Variants in TFCP2 observed in about 807,000 individuals in gnomAD.
TFCP2 encodes the protein alpha-globin transcription factor CP2.
TFCP2 carries 33 observed loss-of-function variants against 73.4 expected under a neutral mutation model. That is an observed-to-expected ratio of 0.45 (90% CI 0.34 to 0.60). The LOEUF is 0.60. Among genes scored for constraint, TFCP2 ranks in the 20% least tolerant of loss-of-function variants. TFCP2 has a pLI of 0.01. For synonymous variants in TFCP2, 193 were observed against 211.6 expected (o/e 0.91, Z 0.76); for missense variants, 352 against 604.0 (o/e 0.58, Z 4.37).
intron 4 of TFCP2, among the ~76,000 whole-genome samples, chr12:51,115,657 T>C (rs1940517549): frequency 6.6e-6 from 1 of 152,216 alleles, no homozygotes; most frequent in African/African-American, 2.4e-5. Flanking sequence ...TAAGTGCCTA[T>C]CATGGGATGA....
chr12:51,125,910 A>T (rs1169082278), intron 1 of TFCP2, among the ~76,000 whole-genome samples: 3 of 152,138 alleles, frequency 2.0e-5, no homozygotes, highest in Non-Finnish European at 4.4e-5. Flanking sequence ...ATCCTGGTCA[A>T]CATGGTGAAA....
intron 1 of TFCP2, 31 bp downstream of exon 1, chr12:51,172,267 CAGA>C (rs777504476): frequency 1.9e-6 from 3 of 1,610,626 alleles, no homozygotes; most frequent in African/African-American, 1.3e-5. Context: ...CTTTGTTATT[CAGA>C]AGGTGTAGGG....
chr12:51,159,007 C>CAAAAAAAAA (rs1390552711), intron 1 of TFCP2, among the ~76,000 whole-genome samples: 1 of 15,472 alleles, frequency 6.5e-5, no homozygotes, highest in East Asian at 1.0e-3. Flanking sequence ...ACTAAAAATC[C>CAAAAAAAAA]AAAAAAAAAA....
At chr12:51,104,338 T>TTTTTTTTTTTTTTTTGAGACGGAGTCTCG in intron 8 of TFCP2, 135 bp from the exon 9 acceptor site, 1 of 692,682 alleles carries the variant, frequency 1.4e-6, no homozygotes, top group Non-Finnish European at 2.4e-6. Context: ...ACATTCTTAT[T>TTTTTTTTTTTTTTTTGAGACGGAGTCTCG]CTTTGACCCA....
At chr12:51,144,909 T>C (rs1262255918) in intron 1 of TFCP2, among the ~76,000 whole-genome samples, 1 of 151,536 alleles carries the variant, frequency 6.6e-6, no homozygotes, top group Non-Finnish European at 1.5e-5. Flanking sequence ...TAAAAATACA[T>C]AAATTAGGCC....
At chr12:51,153,227 T>A (rs1180663292) in intron 1 of TFCP2, among the ~76,000 whole-genome samples, 1 of 152,006 alleles carries the variant, frequency 6.6e-6, no homozygotes, top group Non-Finnish European at 1.5e-5. Flanking sequence ...TTTTAAAAAA[T>A]TAGCTAGGTG....
In TFCP2 at chr12:51,142,526, G is replaced by C. The variant is rs569877260; in HGVS notation, c.123-23754C>G. ...TCTCTTTTGCTCCTGATGCAACGAA[G>C]GCTAAGTTCCTCCTCCTGGGAAAGG... On this transcript the variant is annotated intron_variant, in intron 1 of 14. Transcript: ENST00000257915. Among the ~76,000 whole-genome samples the C allele has an allele frequency of 2.6e-5, 4 of 152,142 alleles. No individual in the cohort carries two copies. In the South Asian group the frequency reaches 8.3e-4, roughly 32 times the overall value.
intron 1 of TFCP2, among the ~76,000 whole-genome samples, chr12:51,153,149 AG>A (rs1941464482): frequency 6.6e-6 from 1 of 152,224 alleles, no homozygotes; most frequent in Non-Finnish European, 1.5e-5. Flanking sequence ...AGGCCAAGGC[AG>A]GGGGATGGCT....
At chr12:51,149,027 A>AAAAAAAAAAAAAAAAAAAAAAAAAAC (rs1941362636) in intron 1 of TFCP2, among the ~76,000 whole-genome samples, 1 of 144,514 alleles carries the variant, frequency 6.9e-6, no homozygotes, top group Non-Finnish European at 1.5e-5. Context: ...TCCATCTCAA[A>AAAAAAAAAAAAAAAAAAAAAAAAAAC]AAAAAAAAAA....
Position 51,103,677 on chromosome 12 carries a change from G to A in TFCP2, c.1053C>T (p.Asn351=), listed in dbSNP as rs760729382. Residue 351 remains asparagine (N), a synonymous_variant, in exon 10 of 15, where the codon AAC becomes AAT. Coordinates refer to ENST00000257915, the MANE Select transcript of TFCP2 (RefSeq NM_005653.5). ...RFSTFTRLFT[N]FSGADLLKLT... is the part of the protein sequence containing the mutation. ...AGAAAAAGAAAATTTAACCTGAGAA[G>A]TTTGTGAAAAGCCTTGTGAATGTAG... 1.9e-6 allele frequency: 3 copies of A among 1,612,824 alleles called. No individual in the cohort carries two copies. The highest frequency in any genetic ancestry group is 1.7e-5 in the Admixed American group (1 of 59,704).
intron 1 of TFCP2, among the ~76,000 whole-genome samples, chr12:51,138,642 A>G (rs1032205248): frequency 2.0e-5 from 3 of 151,166 alleles, no homozygotes; most frequent in Non-Finnish European, 4.4e-5. Context: ...TTTTGAGACC[A>G]AGTTTCGCTC....
In TFCP2 at chr12:51,099,843, G is replaced by A. The variant is rs1057148813; in HGVS notation, c.1152-64C>T. ...TATGGTAAGCACAATAAAAAGAAGG[G>A]AGAAATTGTGTTTCTACATTAATCG... is the stretch of plus-strand genomic sequence containing the variant. On this transcript the variant is annotated intron_variant, in intron 11 of 14. Transcript: ENST00000257915. The A allele has an allele frequency of 1.8e-5, 29 of 1,572,590 alleles. No individual in the cohort carries two copies. The East Asian group carries it at 6.6e-4, about 36-fold the overall frequency.
At position 51,161,752 on chromosome 12, in the gene TFCP2, C is replaced by T. The variant is rs181940194; in HGVS notation, c.122+10549G>A. 6.6e-3 allele frequency among the ~76,000 whole-genome samples: 542 copies of T among 81,696 alleles called. 2 individuals carry two copies. The highest frequency in any genetic ancestry group is 0.064 in the Middle Eastern group (6 of 94). 53.6% of individuals were successfully genotyped at this position (81,696 alleles called of 152,430 possible). A position where few individuals can be genotyped will look rare whatever the true frequency, so the allele number is the denominator to read the frequency against. On this transcript the variant is annotated intron_variant, in intron 1 of 14. Coordinates refer to ENST00000257915, the MANE Select transcript of TFCP2 (RefSeq NM_005653.5). ...CACTCCAGCCTGGGAGACAGCAAGA[C>T]TCCATATCAAAAAAAAAAAAAAAAA...
At chr12:51,167,913 T>C (rs1941787726) in intron 1 of TFCP2, among the ~76,000 whole-genome samples, 1 of 151,778 alleles carries the variant, frequency 6.6e-6, no homozygotes, top group Non-Finnish European at 1.5e-5. Flanking sequence ...GTAGAAAAAC[T>C]GGCCAGGTGT....
chr12:51,141,665 C>T (rs545577213), intron 1 of TFCP2, among the ~76,000 whole-genome samples: 37 of 151,260 alleles, frequency 2.4e-4, no homozygotes, highest in Middle Eastern at 3.4e-3. Context: ...TTTGGGAGGC[C>T]GATGTGGGCA....
chr12:51,131,305 A>C (rs1369897535), intron 1 of TFCP2, among the ~76,000 whole-genome samples: 4 of 148,122 alleles, frequency 2.7e-5, no homozygotes, highest in South Asian at 4.3e-4. Context: ...ACTGCACCCC[A>C]GCCTGGGTGA....
intron 1 of TFCP2, among the ~76,000 whole-genome samples, chr12:51,125,866 G>A (rs1197838983): frequency 2.0e-5 from 3 of 152,120 alleles, no homozygotes; most frequent in African/African-American, 7.2e-5. Flanking sequence ...GGGAGGCTAA[G>A]ATGGGCGGAT....
At chr12:51,153,836 A>G (rs1241923817) in intron 1 of TFCP2, among the ~76,000 whole-genome samples, 2 of 152,208 alleles carry the variant, frequency 1.3e-5, no homozygotes, top group Non-Finnish European at 2.9e-5. Context: ...ATGTTGTTAA[A>G]CATGGGTGTA....
intron 1 of TFCP2, among the ~76,000 whole-genome samples, chr12:51,170,072 T>C (rs1941828796): frequency 6.6e-6 from 1 of 152,236 alleles, no homozygotes; most frequent in Non-Finnish European, 1.5e-5. Context: ...TGAATATCTT[T>C]ACACAAGTAA....
Sources: allele counts gnomAD v4.1 joint callset (sites outside exome capture counted in the v4.1 genomes callset), GRCh38; gene constraint gnomAD v4.1.1; transcripts MANE v1.5; gene names NCBI Gene and HGNC (gene_info 2026-07-23, HGNC 2026-07-21).